Variants in MXD1 observed in about 807,000 individuals in gnomAD.
MXD1 encodes the protein MAX dimerization protein 1.
MXD1 carries 9 observed loss-of-function variants against 25.7 expected under a neutral mutation model. The ratio of observed to expected loss-of-function variants is 0.35; its 90% CI spans 0.21 to 0.61. MXD1 has a LOEUF of 0.61. Among genes scored for constraint, MXD1 ranks in the 20% least tolerant of loss-of-function variants. The pLI is 0.75. For synonymous variants in MXD1, 99 were observed against 113.9 expected, an observed-to-expected ratio of 0.87 and a Z score of 0.83; for missense variants, 227 against 292.4, an observed-to-expected ratio of 0.78 and a Z score of 1.63.
chr2:69,924,208 G>A (rs181233081), intron 3 of MXD1, among the ~76,000 whole-genome samples: 19 of 152,332 alleles, frequency 1.2e-4, no homozygotes, highest in African/African-American at 4.6e-4. Context: ...TATACTAAGT[G>A]CTAAGATTGG....
In MXD1 at chr2:69,915,283, C is replaced by T. The variant is rs372761313; in HGVS notation, c.-48C>T. ...ACAGCGGTCCGGCGGCGGCAGCGAG[C>T]CCGTGGGCAGTGGGGGTTGGTCCCG... On this transcript the variant is annotated 5_prime_UTR_variant, in exon 1 of 6. Coordinates refer to ENST00000264444, the MANE Select transcript of MXD1 (RefSeq NM_002357.4). The surrounding 1 kb of genome is among the most constrained non-coding windows in gnomAD (Gnocchi z 5.8). The T allele has an allele frequency of 3.5e-5, 46 of 1,296,138 alleles. No individual in the cohort carries two copies. The African/African-American group carries it at 5.9e-4, about 17-fold the overall frequency. 80.3% of individuals were successfully genotyped at this position (1,296,138 alleles called of 1,614,324 possible).
At position 69,915,222 on chromosome 2, in the gene MXD1, A is replaced by G; in HGVS notation, c.-109A>G. On this transcript the variant is annotated 5_prime_UTR_variant, in exon 1 of 6. Transcript: ENST00000264444. The surrounding 1 kb of genome is among the most constrained non-coding windows in gnomAD (Gnocchi z 5.8). ...CCCTCAGCCCTGCTCCGCGGGGTCC[A>G]CAGCGGGCTCCACAGCGGGCTCCAT... The G allele has an allele frequency of 9.8e-7, 1 of 1,025,362 alleles. No individual in the cohort carries two copies. Among genetic ancestry groups the G allele is most frequent in the African/African-American group, 1.7e-5 (1 of 59,756 alleles). 63.5% of individuals were successfully genotyped at this position (1,025,362 alleles called of 1,614,324 possible).
rs1294537860 is a variant in MXD1, at chr2:69,939,581, T to C, written c.*1297T>C. 6.5e-6 allele frequency: 1 copy of C among 152,674 alleles called. No individual in the cohort carries two copies. The highest frequency in any genetic ancestry group is 1.5e-5 in the Non-Finnish European group (1 of 68,038). The allele number at this position is 152,674 out of a possible 1,614,324, so 9.5% of individuals were successfully genotyped here. ...AAATTCTTATGACTTTGTGGTTTTA[T>C]AGATGTTCTAGAAACTTTGTATGTA... On this transcript the variant is annotated 3_prime_UTR_variant, in exon 6 of 6. Coordinates refer to ENST00000264444, the MANE Select transcript of MXD1 (RefSeq NM_002357.4).
chr2:69,918,879 C>T (rs1285051743), intron 2 of MXD1, among the ~76,000 whole-genome samples: 1 of 152,126 alleles, frequency 6.6e-6, no homozygotes, highest in Non-Finnish European at 1.5e-5. Context: ...GTTTACCCAT[C>T]AATGGAGGTG....
chr2:69,920,132 G>A lies in MXD1; in HGVS notation c.174-1604G>A, dbSNP rs532417657. Among the ~76,000 whole-genome samples, 918 of 152,262 alleles carry A rather than the reference G, an allele frequency of 6.0e-3. 6 individuals carry two copies. Among genetic ancestry groups the A allele is most frequent in the African/African-American group, 0.021 (869 of 41,546 alleles). Reference sequence around the variant, plus strand: ...TTCAAGGGAGTAGCTGGGATTACAGGCACGCGCCACCACGCCCGGCTAATT... The same window carrying A: ...TTCAAGGGAGTAGCTGGGATTACAGACACGCGCCACCACGCCCGGCTAATT... On this transcript the variant is annotated intron_variant, in intron 2 of 5. Coordinates refer to ENST00000264444, the MANE Select transcript of MXD1 (RefSeq NM_002357.4).
intron 3 of MXD1, among the ~76,000 whole-genome samples, chr2:69,924,071 C>T (rs566359365): frequency 6.6e-6 from 1 of 152,200 alleles, no homozygotes; most frequent in East Asian, 1.9e-4. Flanking sequence ...CTATGGTGGC[C>T]CCAGAACTTG....
At chr2:69,936,214 A>C in intron 4 of MXD1, among the ~76,000 whole-genome samples, 1 of 151,260 alleles carries the variant, frequency 6.6e-6, no homozygotes, top group South Asian at 2.1e-4. Flanking sequence ...CAACTCAGTG[A>C]CCTCCTTCCT....
At chr2:69,938,039 G>T in intron 5 of MXD1, 58 bp from the exon 6 acceptor site, 2 of 1,546,380 alleles carry the variant, frequency 1.3e-6, no homozygotes, top group Non-Finnish European at 1.8e-6. Flanking sequence ...GAGCCACCAC[G>T]CCTGAGCTTT....
intron 1 of MXD1, 102 bp from the exon 2 acceptor site, chr2:69,916,019 T>C (rs1676955854): frequency 2.8e-6 from 2 of 717,956 alleles, no homozygotes; most frequent in African/African-American, 3.6e-5. Context: ...ATTTCCACAA[T>C]ATTCTTTTAA....
chr2:69,915,300 T>C lies in MXD1; in HGVS notation c.-31T>C. The C allele has an allele frequency of 7.7e-7, 1 of 1,304,854 alleles. No individual in the cohort carries two copies. The highest frequency in any genetic ancestry group is 9.8e-7 in the Non-Finnish European group (1 of 1,018,008). 80.8% of individuals were successfully genotyped at this position (1,304,854 alleles called of 1,614,324 possible). ...GCAGCGAGCCCGTGGGCAGTGGGGG[T>C]TGGTCCCGTGGCTCCGGCCCCCGGT... On this transcript the variant is annotated 5_prime_UTR_variant, in exon 1 of 6. Transcript: ENST00000264444. This position sits in a 1 kb window ranked among gnomAD's most constrained non-coding sequence, Gnocchi z 5.8.
chr2:69,920,385 T>C (rs539471573), intron 2 of MXD1, among the ~76,000 whole-genome samples: 1 of 152,330 alleles, frequency 6.6e-6, no homozygotes, highest in East Asian at 1.9e-4. Context: ...AATACTGTCA[T>C]TTTCTCATTT....
intron 3 of MXD1, among the ~76,000 whole-genome samples, chr2:69,926,077 A>G (rs1573403988): frequency 6.6e-6 from 1 of 152,276 alleles, no homozygotes; most frequent in Non-Finnish European, 1.5e-5. Flanking sequence ...CCAATTTTCT[A>G]CTAAAGAATT....
chr2:69,918,862 C>T (rs1339187641), intron 2 of MXD1, among the ~76,000 whole-genome samples: 1 of 152,100 alleles, frequency 6.6e-6, no homozygotes, highest in East Asian at 1.9e-4. Flanking sequence ...TAATTAAAAA[C>T]GTAAATGTTT....
intron 2 of MXD1, among the ~76,000 whole-genome samples, chr2:69,918,976 G>GCA (rs1677009787): frequency 3.9e-5 from 6 of 152,132 alleles, no homozygotes; most frequent in Admixed American, 2.0e-4. Context: ...CTTCAGTAAT[G>GCA]CTCTAGCCAT....
rs1677503053 is a variant in MXD1, at chr2:69,938,165, G to A, written c.547G>A (p.Val183Met). The change falls in exon 6 of 6, where the codon GTG becomes ATG. Residue 183 changes from valine to methionine, a missense_variant. Val to Met is a conservative substitution (Grantham distance 21, BLOSUM62 1). Transcript: ENST00000264444. The stretch of plus-strand genomic sequence containing the variant: ...TGATCTGGACTGGAGCAGCAGCAGT[G>A]TGAGCGACTCTGACGAGCGGGGCAG... The part of the protein sequence containing the change: ...TGDLDWSSSS[V>M]SDSDERGSMQ... 6.2e-7 allele frequency: 1 copy of A among 1,614,124 alleles called. No homozygotes were observed. The highest frequency in any genetic ancestry group is 1.7e-5 in the Admixed American group (1 of 60,010).
chr2:69,929,437 G>C (rs759641742), intron 3 of MXD1, among the ~76,000 whole-genome samples: 3 of 152,200 alleles, frequency 2.0e-5, no homozygotes, highest in Non-Finnish European at 2.9e-5. Context: ...GCCTGAGAGA[G>C]ATCCATAGAT....
intron 3 of MXD1, among the ~76,000 whole-genome samples, chr2:69,932,281 A>G (rs1334060043): frequency 6.6e-6 from 1 of 152,132 alleles, no homozygotes; most frequent in African/African-American, 2.4e-5. Flanking sequence ...TAGGAGCTGT[A>G]CATAACAGAG....
chr2:69,915,449 C>G lies in MXD1; in HGVS notation c.73+46C>G, dbSNP rs779736964. The G allele has an allele frequency of 3.4e-5, 42 of 1,248,310 alleles. No individual in the cohort carries two copies. The African/African-American group carries it at 6.4e-4, about 19-fold the overall frequency. 77.3% of individuals were successfully genotyped at this position (1,248,310 alleles called of 1,614,324 possible). ...GTCCACTCGAAACGAGGCCGGGGGT[C>G]CTGTGGGGCCGGCCTCAGGTCCGGG... On this transcript the variant is annotated intron_variant, in intron 1 of 5. Transcript: ENST00000264444. This position sits in a 1 kb window ranked among gnomAD's most constrained non-coding sequence, Gnocchi z 5.8.
intron 4 of MXD1, among the ~76,000 whole-genome samples, chr2:69,935,678 A>C (rs1453984586): frequency 6.6e-6 from 1 of 152,154 alleles, no homozygotes; most frequent in African/African-American, 2.4e-5. Flanking sequence ...CTCTCCATCC[A>C]GTTGTACAAG....
Sources: gnomAD v4.1 joint callset for allele counts (sites outside exome capture counted in the v4.1 genomes callset) on GRCh38, gnomAD v4.1.1 for gene constraint, Gnocchi (gnomAD v3.1) non-coding constraint, MANE v1.5 for transcripts, NCBI Gene and HGNC (gene_info 2026-07-23, HGNC 2026-07-21) for gene names.